Variants in YPEL2 observed in about 807,000 individuals in gnomAD.
The protein encoded by YPEL2 is protein yippee-like 2.
A neutral mutation model predicts 19.1 loss-of-function variants in YPEL2; 2 were observed. That is an observed-to-expected ratio of 0.10 (90% confidence interval 0.04 to 0.33). The LOEUF is 0.33. YPEL2 is among the 10% of genes least tolerant of loss of function. YPEL2 has a pLI of 1.00. For missense variants in YPEL2, 66 were observed against 140.7 expected, an observed-to-expected ratio of 0.47 and a Z score of 2.68; for synonymous variants, 52 against 50.0, an observed-to-expected ratio of 1.04 and a Z score of -0.17.
intron 1 of YPEL2, among the ~76,000 whole-genome samples, chr17:59,349,399 T>C (rs1272039126): frequency 6.8e-6 from 1 of 147,066 alleles, no homozygotes; most frequent in African/African-American, 2.5e-5. Context: ...AGTCTCGCTC[T>C]GTCGTCCAGG....
intron 2 of YPEL2, among the ~76,000 whole-genome samples, chr17:59,369,329 T>C (rs2047885607): frequency 6.6e-6 from 1 of 152,232 alleles, no homozygotes; most frequent in African/African-American, 2.4e-5. Context: ...ATGGGGATTC[T>C]TGGACAGTGA....
chr17:59,389,662 AC>A (rs1184984551), intron 4 of YPEL2, among the ~76,000 whole-genome samples, 194 bp downstream of exon 4: 1 of 151,288 alleles, frequency 6.6e-6, no homozygotes, highest in Non-Finnish European at 1.5e-5. Context: ...CTTCACACCT[AC>A]CCCCTGAGAC....
chr17:59,347,575 G>A (rs968534394), intron 1 of YPEL2, among the ~76,000 whole-genome samples: 1 of 152,196 alleles, frequency 6.6e-6, no homozygotes, highest in African/African-American at 2.4e-5. Context: ...GCCTGCCAGG[G>A]CTGTATAAGT....
chr17:59,397,062 G>T, intron 4 of YPEL2, 39 bp from the exon 5 acceptor site: 1 of 1,502,828 alleles, frequency 6.7e-7, no homozygotes, highest in Non-Finnish European at 9.1e-7. Context: ...TCTTGTCTTT[G>T]GTCGTTCAGT....
intron 1 of YPEL2, among the ~76,000 whole-genome samples, chr17:59,352,193 G>A (rs1330944945): frequency 6.6e-6 from 1 of 152,138 alleles, no homozygotes; most frequent in East Asian, 1.9e-4. Context: ...AATTAACACT[G>A]CCTGCTCTCC....
chr17:59,334,663 T>C (rs1450050343), intron 1 of YPEL2, among the ~76,000 whole-genome samples: 1 of 152,090 alleles, frequency 6.6e-6, no homozygotes, highest in Non-Finnish European at 1.5e-5. Context: ...TCCAGACATA[T>C]TGGTAGGATA....
At position 59,397,117 on chromosome 17, in the gene YPEL2, G is replaced by A. The variant is rs1370473566; in HGVS notation, c.287G>A (p.Ser96Asn). ...LGWKYEHAFESSQKYKEGKYI... is the reference protein window; with the variant it reads ...LGWKYEHAFENSQKYKEGKYI... ...ATTTCCTAGGAACATGCTTTTGAAA[G>A]CAGCCAGAAATATAAAGAAGGCAAA... Residue 96 changes from serine to asparagine, a missense_variant, in exon 5 of 5, where the codon AGC (serine) becomes AAC (asparagine). Coordinates refer to ENST00000312655, the MANE Select transcript of YPEL2 (RefSeq NM_001005404.4). The A allele has an allele frequency of 9.3e-6, 15 of 1,611,562 alleles. No individual in the cohort carries two copies. Among genetic ancestry groups the A allele is most frequent in the Admixed American group, 6.7e-5 (4 of 59,694 alleles).
Position 59,398,730 on chromosome 17 carries a change from G to C in YPEL2, c.*1540G>C, listed in dbSNP as rs186454537. On this transcript the variant is annotated 3_prime_UTR_variant, in exon 5 of 5. Transcript: ENST00000312655. ...TATATTATTGTTAAGATACGTGTGC[G>C]TGTTAGGTAATTCTCAGCATCTCCT... 1 of 152,118 alleles carries C rather than the reference G, an allele frequency of 6.6e-6. No homozygotes were observed. The highest frequency in any genetic ancestry group is 1.5e-5 in the Non-Finnish European group (1 of 68,042). 9.4% of individuals were successfully genotyped at this position (152,118 alleles called of 1,614,324 possible). A position where few individuals can be genotyped will look rare whatever the true frequency, so the allele number is the denominator to read the frequency against.
chr17:59,355,629 C>T (rs1481111365), intron 2 of YPEL2: 1 of 152,230 alleles, frequency 6.6e-6, no homozygotes, highest in African/African-American at 2.4e-5. Flanking sequence ...CTTTCTTATA[C>T]ATCCTTGGGC....
At chr17:59,351,897 A>G in intron 1 of YPEL2, among the ~76,000 whole-genome samples, 1 of 152,090 alleles carries the variant, frequency 6.6e-6, no homozygotes, top group South Asian at 2.1e-4. Context: ...GCCTAGTGCT[A>G]GTTAGTTAGT....
intron 2 of YPEL2, among the ~76,000 whole-genome samples, chr17:59,373,332 G>A (rs1166800752): frequency 1.3e-5 from 2 of 152,152 alleles, no homozygotes; most frequent in African/African-American, 4.8e-5. Context: ...AGGTGGAGTA[G>A]GTTGCCGGGG....
At position 59,365,426 on chromosome 17, in the gene YPEL2, G is replaced by T. The variant is rs148360647; in HGVS notation, c.117+11900G>T. 4.8e-3 allele frequency among the ~76,000 whole-genome samples: 728 copies of T among 152,280 alleles called. 6 individuals carry two copies. Among genetic ancestry groups the T allele is most frequent in the African/African-American group, 0.017 (691 of 41,548 alleles). The stretch of plus-strand genomic sequence containing the variant: ...TCCCTGCCTCCTTCCCTTTTAGTCT[G>T]TCAGGTGGTTACTGTGCCTCTGACC... On this transcript the variant is annotated intron_variant, in intron 2 of 4. Coordinates refer to ENST00000312655, the MANE Select transcript of YPEL2 (RefSeq NM_001005404.4).
chr17:59,339,395 G>A (rs569937995), intron 1 of YPEL2, among the ~76,000 whole-genome samples: 2 of 152,308 alleles, frequency 1.3e-5, no homozygotes, highest in South Asian at 4.1e-4. Context: ...TTCATTAGCA[G>A]AGAGGTACAA....
At chr17:59,384,308 T>G (rs552245528) in intron 2 of YPEL2, among the ~76,000 whole-genome samples, 1 of 152,374 alleles carries the variant, frequency 6.6e-6, no homozygotes, top group East Asian at 1.9e-4. Flanking sequence ...ATATCATTTT[T>G]TAGCCACAAA....
At chr17:59,348,053 C>T (rs1405554588) in intron 1 of YPEL2, among the ~76,000 whole-genome samples, 2 of 152,176 alleles carry the variant, frequency 1.3e-5, no homozygotes, top group African/African-American at 2.4e-5. Flanking sequence ...CACTTAACAC[C>T]TAGAACCCCT....
intron 1 of YPEL2, among the ~76,000 whole-genome samples, chr17:59,332,312 G>T (rs2047675127): frequency 6.6e-6 from 1 of 152,146 alleles, no homozygotes; most frequent in Non-Finnish European, 1.5e-5. Context: ...CCGCCCTGGG[G>T]GCCTTCCACT....
intron 1 of YPEL2, among the ~76,000 whole-genome samples, chr17:59,332,783 C>T (rs1428833554): frequency 6.6e-6 from 1 of 152,230 alleles, no homozygotes; most frequent in Non-Finnish European, 1.5e-5. Flanking sequence ...CCAGTCCCGC[C>T]GCTGTGAAAG....
intron 2 of YPEL2, among the ~76,000 whole-genome samples, chr17:59,371,963 T>C (rs902074980): frequency 1.3e-5 from 2 of 152,210 alleles, no homozygotes; most frequent in African/African-American, 4.8e-5. Context: ...TCCTCCTCTC[T>C]TCCTGTCACT....
chr17:59,359,505 A>G (rs895260728), intron 2 of YPEL2, among the ~76,000 whole-genome samples: 5 of 152,212 alleles, frequency 3.3e-5, no homozygotes, highest in Non-Finnish European at 4.4e-5. Context: ...ATTAAAAATA[A>G]AGATGAAAAG....
Sources: gnomAD v4.1 joint callset for allele counts (sites outside exome capture counted in the v4.1 genomes callset) on GRCh38, gnomAD v4.1.1 for gene constraint, MANE v1.5 for transcripts, NCBI Gene and HGNC (gene_info 2026-07-23, HGNC 2026-07-21) for gene names.